The following SERINC2 variants were observed in gnomAD, a reference collection of about 807,000 sequenced individuals.
SERINC2 encodes tumor differentially expressed protein 2.
SERINC2 carries 56 observed loss-of-function variants against 54.2 expected under a neutral mutation model. That is an observed-to-expected ratio of 1.03 (90% CI 0.83 to 1.29). SERINC2 has a LOEUF of 1.29. SERINC2 is among the 50% of genes most tolerant of loss of function. The probability of loss-of-function intolerance (pLI) is 0.00; values close to 1 mark genes in which losing one functional copy is unlikely to be tolerated. For synonymous variants in SERINC2, 272 were observed against 253.1 expected, an observed-to-expected ratio of 1.07 and a Z score of -0.71; for missense variants, 614 against 607.4, an observed-to-expected ratio of 1.01 and a Z score of -0.12.
intron 8 of SERINC2, among the ~76,000 whole-genome samples, chr1:31,431,751 T>TAGGGTGGAG (rs1428744282): frequency 8.0e-5 from 6 of 74,848 alleles, no homozygotes; most frequent in African/African-American, 2.2e-4. Flanking sequence ...ATTTGGTAGA[T>TAGGGTGGAG]AGGGTGGAGA....
chr1:31,423,380 T>C (rs1553132976), intron 1 of SERINC2, among the ~76,000 whole-genome samples: 1 of 152,088 alleles, frequency 6.6e-6, no homozygotes, highest in Non-Finnish European at 1.5e-5. Context: ...CAGCTGGCCT[T>C]GTGATTTTTT....
upstream of SERINC2, chr1:31,410,088 G>T (rs1640623060): frequency 1.6e-6 from 2 of 1,213,682 alleles, no homozygotes; most frequent in Non-Finnish European, 2.2e-6. Context: ...TATTTCAAGG[G>T]ACATGGTTTA....
chr1:31,410,213 G>T, upstream of SERINC2: 1 of 1,443,732 alleles, frequency 6.9e-7, no homozygotes. Flanking sequence ...GCTTTTGGGG[G>T]TGCAAGAGAC....
upstream of SERINC2, chr1:31,410,024 T>C: frequency 1.1e-6 from 1 of 912,912 alleles, no homozygotes; most frequent in Admixed American, 2.9e-5. Context: ...GTTGAGCATC[T>C]GTCTGGGCTG....
rs1339387953 is a variant in SERINC2, at chr1:31,432,192, T to C, written c.1014-775T>C. Among the ~76,000 whole-genome samples the C allele has an allele frequency of 6.4e-4, 52 of 81,420 alleles. 1 individual carries two copies. The highest frequency in any genetic ancestry group is 8.9e-4 in the Non-Finnish European group (30 of 33,768). The allele number at this position is 81,420 out of a possible 152,430, so 53.4% of individuals were successfully genotyped here. ...GGGTGGATAGGGTGGATAGGGTGGTTAGAGTGGAGAGAGTGGACAGGGTGG... is the reference window on the plus strand; with the variant it reads ...GGGTGGATAGGGTGGATAGGGTGGTCAGAGTGGAGAGAGTGGACAGGGTGG... On this transcript the variant is annotated intron_variant, in intron 8 of 9. Coordinates refer to ENST00000373709, the MANE Select transcript of SERINC2 (RefSeq NM_178865.5).
intron 8 of SERINC2, among the ~76,000 whole-genome samples, chr1:31,430,006 G>T (rs552504065): frequency 1.3e-5 from 2 of 152,080 alleles, no homozygotes; most frequent in African/African-American, 4.8e-5. Context: ...TCACATAGAG[G>T]TTCTTTTCAA....
Position 31,413,429 on chromosome 1 carries a change from G to A in SERINC2, c.39+125G>A. 2.1e-6 allele frequency: 1 copy of A among 473,102 alleles called. No individual in the cohort carries two copies. The highest frequency in any genetic ancestry group is 3.2e-6 in the Non-Finnish European group (1 of 313,140). The allele number at this position is 473,102 out of a possible 1,614,324, so 29.3% of individuals were successfully genotyped here. ...TCCTGCAAACTTGTCTTTCTGGGCCGGTGCCCCGCCTGCTCGCCCTCCTGG... is the reference window on the plus strand; with the variant it reads ...TCCTGCAAACTTGTCTTTCTGGGCCAGTGCCCCGCCTGCTCGCCCTCCTGG... On this transcript the variant is annotated intron_variant, in intron 1 of 9. Coordinates refer to ENST00000373709, the MANE Select transcript of SERINC2 (RefSeq NM_178865.5). This position sits in a 1 kb window ranked among gnomAD's most constrained non-coding sequence, Gnocchi z 5.0.
intron 6 of SERINC2, among the ~76,000 whole-genome samples, chr1:31,427,454 C>A (rs1282206749): frequency 6.6e-6 from 1 of 152,124 alleles, no homozygotes; most frequent in Non-Finnish European, 1.5e-5. Context: ...TGGGAACCTC[C>A]CTTCTGGTCA....
At chr1:31,431,269 T>A (rs2148526450) in intron 8 of SERINC2, among the ~76,000 whole-genome samples, 1 of 151,638 alleles carries the variant, frequency 6.6e-6, no homozygotes, top group Non-Finnish European at 1.5e-5. Context: ...AGACTACAGG[T>A]GCATACCACC....
At chr1:31,431,670 A>G (rs1553134479) in intron 8 of SERINC2, among the ~76,000 whole-genome samples, 2 of 152,020 alleles carry the variant, frequency 1.3e-5, no homozygotes, top group African/African-American at 4.8e-5. Flanking sequence ...CAGGCAGCAA[A>G]GAAGCATATG....
At position 31,434,124 on chromosome 1, in the gene SERINC2, C is replaced by A; in HGVS notation, c.1293C>A (p.Ala431=). The part of the protein sequence containing the change: ...TWTAVWVKIC[A]SWAGLLLYLW... ...CCGCCGTGTGGGTGAAGATCTGTGCCAGCTGGGCAGGGCTGCTCCTCTACC... is the reference window on the plus strand; with the variant it reads ...CCGCCGTGTGGGTGAAGATCTGTGCAAGCTGGGCAGGGCTGCTCCTCTACC... The change falls in exon 10 of 10, where the codon GCC becomes GCA. Residue 431 remains alanine (A), a synonymous_variant. Coordinates refer to ENST00000373709, the MANE Select transcript of SERINC2 (RefSeq NM_178865.5). 6.2e-7 allele frequency: 1 copy of A among 1,614,008 alleles called. No homozygotes were observed. Among genetic ancestry groups the A allele is most frequent in the Non-Finnish European group, 8.5e-7 (1 of 1,179,976 alleles).
chr1:31,414,708 A>G, intron 1 of SERINC2: 1 of 985,422 alleles, frequency 1.0e-6, no homozygotes, highest in Non-Finnish European at 1.2e-6. Context: ...GTCTCTGCCA[A>G]CAAGGGTTTG....
At chr1:31,425,482 G>A in intron 4 of SERINC2, 73 bp downstream of exon 4, 1 of 1,146,778 alleles carries the variant, frequency 8.7e-7, no homozygotes. Flanking sequence ...GGAACGTGGT[G>A]GGGCTGCTCT....
In SERINC2 at chr1:31,423,677, C is replaced by G. The variant is rs1640954682; in HGVS notation, c.40-16C>G. 1 of 1,602,950 alleles carries G rather than the reference C, an allele frequency of 6.2e-7. No individual in the cohort carries two copies. The highest frequency in any genetic ancestry group is 8.5e-7 in the Non-Finnish European group (1 of 1,179,230). On this transcript the variant is annotated splice_polypyrimidine_tract_variant and intron_variant, in intron 1 of 9. Coordinates refer to ENST00000373709, the MANE Select transcript of SERINC2 (RefSeq NM_178865.5). The stretch of plus-strand genomic sequence containing the variant: ...CGGTGAAGGGGAGAGGGAAGAGTGA[C>G]AGTGCCCTCCCGCAGGCGTCCTGCC...
chr1:31,424,207 A>T (rs1640973040), intron 2 of SERINC2, among the ~76,000 whole-genome samples: 1 of 152,180 alleles, frequency 6.6e-6, no homozygotes, highest in Admixed American at 6.5e-5. Context: ...GGACGTGGGC[A>T]TCACCGTAGG....
chr1:31,414,622 T>C (rs1312111240), intron 1 of SERINC2: 5 of 985,692 alleles, frequency 5.1e-6, no homozygotes, highest in Non-Finnish European at 6.0e-6. Context: ...TGCGTGTGCA[T>C]GTGCGTGTGC....
intron 1 of SERINC2, among the ~76,000 whole-genome samples, chr1:31,420,000 T>C (rs4949398): frequency 0.47 from 71,753 of 151,910 alleles, 17,413 homozygotes; most frequent in East Asian, 0.67. Context: ...CAGAACGAGA[T>C]CCTGTCTCAA....
chr1:31,419,672 T>C (rs1349167142), intron 1 of SERINC2, among the ~76,000 whole-genome samples: 2 of 151,984 alleles, frequency 1.3e-5, no homozygotes, highest in African/African-American at 4.8e-5. Flanking sequence ...TACCAAAAAA[T>C]ACAAAAATTA....
Position 31,429,575 on chromosome 1 carries a change from T to C in SERINC2, c.1013+37T>C, listed in dbSNP as rs375584284. ...TCTGGATTCTGGGGAAGGATCATGA[T>C]TGAGGGCCCTGAGCCAGAGTGAGGG... On this transcript the variant is annotated intron_variant, in intron 8 of 9. Transcript: ENST00000373709. 8.3e-6 allele frequency: 13 copies of C among 1,558,610 alleles called. No individual in the cohort carries two copies. The African/African-American group carries it at 1.6e-4, about 20-fold the overall frequency.
Sources: gnomAD v4.1 joint callset for allele counts (sites outside exome capture counted in the v4.1 genomes callset) on GRCh38, gnomAD v4.1.1 for gene constraint, Gnocchi (gnomAD v3.1) non-coding constraint, MANE v1.5 for transcripts, NCBI Gene and HGNC (gene_info 2026-07-23, HGNC 2026-07-21) for gene names.